The following MROH2B variants were observed in gnomAD, a reference collection of about 807,000 sequenced individuals.
The protein encoded by MROH2B is maestro heat-like repeat-containing protein family member 2B.
A neutral mutation model predicts 208.6 loss-of-function variants in MROH2B; 177 were observed. That is an observed-to-expected ratio of 0.85 (90% CI 0.75 to 0.96). The LOEUF is 0.96. Among genes scored for constraint, MROH2B ranks in the 40% least tolerant of loss-of-function variants. The probability of loss-of-function intolerance (pLI) is 0.00; values close to 1 mark genes in which losing one functional copy is unlikely to be tolerated. For missense variants in MROH2B, 2,002 were observed against 1,878.7 expected (o/e 1.07, Z -1.21); for synonymous variants, 728 against 659.0 (o/e 1.10, Z -1.60).
intron 6 of MROH2B, among the ~76,000 whole-genome samples, chr5:41,058,624 AT>A (rs1743537609): frequency 1.3e-5 from 2 of 152,104 alleles, no homozygotes; most frequent in Non-Finnish European, 2.9e-5. Flanking sequence ...TGCCTGGCTA[AT>A]TTTTGTAATA....
At chr5:41,032,595 A>G (rs1579932105) in intron 24 of MROH2B, 147 bp downstream of exon 24, 2 of 668,994 alleles carry the variant, frequency 3.0e-6, no homozygotes, top group Non-Finnish European at 5.1e-6. Context: ...TTGGAAGGAG[A>G]AAAAGCCCCA....
chr5:41,049,253 C>T, intron 14 of MROH2B, 27 bp downstream of exon 14: 2 of 1,611,960 alleles, frequency 1.2e-6, no homozygotes, highest in East Asian at 4.5e-5. Context: ...AATAGAAAAG[C>T]TTTTCTGTGT....
chr5:41,051,048 C>A lies in MROH2B; in HGVS notation c.1273G>T (p.Glu425Ter). Residue 425 changes from glutamate (E) to a stop codon, truncating the protein, a stop_gained, in exon 13 of 42, where the codon GAG (glutamate) becomes TAG (stop). Transcript: ENST00000399564. LOFTEE classifies it high-confidence loss of function. ...AGGCTTGTTTCTCGGACAGATTCCT[C>A]TTCCTTTTCATTCTCATGAAAGTTA... is the stretch of plus-strand genomic sequence containing the variant. ...KTNFHENEKE[E>*]ESVRETSLEV... 1 of 1,558,792 alleles carries A rather than the reference C, an allele frequency of 6.4e-7. No individual in the cohort carries two copies. The highest frequency in any genetic ancestry group is 1.4e-5 in the African/African-American group (1 of 71,006).
intron 19 of MROH2B, among the ~76,000 whole-genome samples, chr5:41,040,929 T>G (rs1742928645): frequency 1.3e-5 from 2 of 152,106 alleles, no homozygotes; most frequent in South Asian, 4.1e-4. Context: ...CCTCCCAAAG[T>G]GCTGGGATTA....
intron 34 of MROH2B, 64 bp downstream of exon 34, chr5:41,007,249 CT>C: frequency 7.4e-7 from 1 of 1,355,660 alleles, no homozygotes; most frequent in Non-Finnish European, 9.6e-7. Flanking sequence ...CTGTATTGCA[CT>C]TTTGTTTGTT....
Position 41,032,782 on chromosome 5 carries a change from G to GGCTA in MROH2B, c.2397_2400dup (p.Pro801Ter). 1 of 1,612,586 alleles carries GGCTA rather than the reference G, an allele frequency of 6.2e-7. No homozygotes were observed. The highest frequency in any genetic ancestry group is 1.3e-5 in the African/African-American group (1 of 74,960). ...GCGATTAAGGCTTTCCACCGAATAG[G>GGCTA]GCTAGCTAAGGAATCCAGGGGCTCG... On this transcript the variant is annotated stop_gained and frameshift_variant, in exon 24 of 42. Coordinates refer to ENST00000399564, the MANE Select transcript of MROH2B (RefSeq NM_173489.5). LOFTEE classifies it high-confidence loss of function.
At chr5:41,007,486 G>T (rs190514590) in intron 33 of MROH2B, 32 bp from the exon 34 acceptor site, 38 of 1,504,796 alleles carry the variant, frequency 2.5e-5, no homozygotes, top group Non-Finnish European at 3.4e-5. Context: ...ACAAAACTAA[G>T]TTGACCCTTA....
intron 33 of MROH2B, among the ~76,000 whole-genome samples, 200 bp downstream of exon 33, chr5:41,008,406 A>G (rs1331263948): frequency 1.3e-5 from 2 of 152,184 alleles, no homozygotes; most frequent in African/African-American, 4.8e-5. Flanking sequence ...TTAAGTGACT[A>G]TTCTGTGTAG....
intron 21 of MROH2B, among the ~76,000 whole-genome samples, chr5:41,037,720 C>G (rs1038045288): frequency 3.3e-5 from 5 of 152,192 alleles, no homozygotes; most frequent in Non-Finnish European, 4.4e-5. Flanking sequence ...AGCAGATGTG[C>G]ACGTAATCAA....
intron 18 of MROH2B, among the ~76,000 whole-genome samples, chr5:41,043,473 A>G (rs325856): frequency 0.82 from 124,373 of 152,148 alleles, 51,484 homozygotes; most frequent in Non-Finnish European, 0.89. Flanking sequence ...TGTGCTGCAG[A>G]AAAAAATTGG....
At chr5:41,030,807 GC>G (rs562409222) in intron 24 of MROH2B, among the ~76,000 whole-genome samples, 112 of 152,102 alleles carry the variant, frequency 7.4e-4, no homozygotes, top group African/African-American at 2.6e-3. Context: ...CAAAAATATA[GC>G]CAAGTAGTTT....
chr5:41,024,980 A>G (rs1742298160), intron 24 of MROH2B, among the ~76,000 whole-genome samples: 1 of 152,240 alleles, frequency 6.6e-6, no homozygotes, highest in Admixed American at 6.5e-5. Context: ...ATGTTCTTTG[A>G]AAGCAATGAG....
intron 28 of MROH2B, 123 bp from the exon 29 acceptor site, chr5:41,015,601 C>T: frequency 1.3e-6 from 1 of 754,704 alleles, no homozygotes; most frequent in Middle Eastern, 2.4e-4. Flanking sequence ...AACATAAGCG[C>T]TAACACATAC....
chr5:41,052,183 T>A (rs1743305602), intron 12 of MROH2B, among the ~76,000 whole-genome samples: 1 of 145,692 alleles, frequency 6.9e-6, no homozygotes, highest in South Asian at 2.3e-4. Context: ...CTATCTTGTG[T>A]TTATTATAAG....
rs373019535 is a variant in MROH2B at position 41,062,155 on chromosome 5, G to A, written c.461-431C>T. ...GAGCACTAAAAGTTTGTACAAGAAT[G>A]CGTTCATATTAGCTTTTTGTTTTGT... is the stretch of plus-strand genomic sequence containing the variant. On this transcript the variant is annotated intron_variant, in intron 5 of 41. Coordinates refer to ENST00000399564, the MANE Select transcript of MROH2B (RefSeq NM_173489.5). Among the ~76,000 whole-genome samples, 6 of 152,108 alleles carry A rather than the reference G, an allele frequency of 3.9e-5. 1 individual carries two copies. Among genetic ancestry groups the A allele is most frequent in the Admixed American group, 2.0e-4 (3 of 15,268 alleles).
In MROH2B at chr5:40,998,047, A is replaced by C. The variant is rs2111771471; in HGVS notation, c.*5T>G. The C allele has an allele frequency of 1.3e-6, 2 of 1,595,484 alleles. No individual in the cohort carries two copies. On this transcript the variant is annotated 3_prime_UTR_variant, in exon 42 of 42. Coordinates refer to ENST00000399564, the MANE Select transcript of MROH2B (RefSeq NM_173489.5). ...GGAAAAGCCAGCAGTTTATTTCTTG[A>C]TGGCTTACAGAGGAATGCTTGTCTC...
rs112597237 is a variant in MROH2B at position 41,033,819 on chromosome 5, ATC to A, written c.2241+17_2241+18del. The A allele has an allele frequency of 9.6e-7, 1 of 1,044,784 alleles. No individual in the cohort carries two copies. Among genetic ancestry groups the A allele is most frequent in the Non-Finnish European group, 1.3e-6 (1 of 772,810 alleles). The allele number at this position is 1,044,784 out of a possible 1,614,324, so 64.7% of individuals were successfully genotyped here. ...TATCTATCTATCTATCTATCTATCT[ATC>A]TATCTATCTCTCCTACCTTGTTCAT... On this transcript the variant is annotated intron_variant, in intron 22 of 41. Transcript: ENST00000399564.
chr5:41,055,877 G>A, intron 9 of MROH2B, 22 bp from the exon 10 acceptor site: 1 of 1,527,840 alleles, frequency 6.5e-7, no homozygotes, highest in Non-Finnish European at 9.1e-7. Context: ...AGAAACACTA[G>A]AGCTGTAACT....
intron 34 of MROH2B, among the ~76,000 whole-genome samples, chr5:41,005,891 C>T (rs1741572442): frequency 6.6e-6 from 1 of 151,810 alleles, no homozygotes; most frequent in Non-Finnish European, 1.5e-5. Context: ...ATTAGCCAGG[C>T]ATGGTGGTGT....
Sources: gnomAD v4.1 joint callset for allele counts (sites outside exome capture counted in the v4.1 genomes callset) on GRCh38, gnomAD v4.1.1 for gene constraint, MANE v1.5 for transcripts, NCBI Gene and HGNC (gene_info 2026-07-23, HGNC 2026-07-21) for gene names.